The following FRMD4B variants were observed in gnomAD, a reference collection of about 807,000 sequenced individuals.
FRMD4B encodes FERM domain containing 4B.
In FRMD4B, 74 loss-of-function variants were observed where a neutral mutation model predicts 141.5. The ratio of observed to expected loss-of-function variants is 0.52; its 90% confidence interval spans 0.43 to 0.63. The LOEUF is 0.63. FRMD4B is among the 30% of genes least tolerant of loss of function. FRMD4B has a pLI of 0.00. For synonymous variants in FRMD4B, 506 were observed against 467.9 expected (o/e 1.08, Z -1.05); for missense variants, 1,366 against 1,253.4 (o/e 1.09, Z -1.36).
At chr3:69,280,367 T>C (rs1371707486) in intron 5 of FRMD4B, among the ~76,000 whole-genome samples, 1 of 152,128 alleles carries the variant, frequency 6.6e-6, no homozygotes, top group Admixed American at 6.5e-5. Flanking sequence ...AGTTCCTACC[T>C]AGGGGCAGTT....
chr3:69,264,977 C>T lies in FRMD4B; in HGVS notation c.502-14878G>A, dbSNP rs142077888. 3.9e-3 allele frequency among the ~76,000 whole-genome samples: 589 copies of T among 152,010 alleles called. 3 individuals are homozygous for T. The highest frequency in any genetic ancestry group is 0.014 in the African/African-American group (568 of 41,478). ...TAATACAAATATACAGATATGAGGT[C>T]GGGCGCGGTGGCTCACGCCTGTAAT... On this transcript the variant is annotated intron_variant, in intron 5 of 22. Coordinates refer to ENST00000398540, the MANE Select transcript of FRMD4B (RefSeq NM_015123.3).
intron 1 of FRMD4B, among the ~76,000 whole-genome samples, chr3:69,368,464 C>T (rs1411707910): frequency 1.3e-5 from 2 of 152,210 alleles, no homozygotes; most frequent in Admixed American, 6.5e-5. Context: ...GTTTCCCAGG[C>T]CACATCCTCT....
chr3:69,461,065 T>C (rs1705699708), intron 1 of FRMD4B, among the ~76,000 whole-genome samples: 1 of 152,244 alleles, frequency 6.6e-6, no homozygotes. Flanking sequence ...AATTTGCTAC[T>C]CTACCAGGAA....
chr3:69,326,442 G>A (rs1458477302), intron 1 of FRMD4B, among the ~76,000 whole-genome samples: 2 of 152,218 alleles, frequency 1.3e-5, no homozygotes, highest in East Asian at 3.8e-4. Context: ...ATCTGGGGAA[G>A]GAAGGTGGTA....
intron 2 of FRMD4B, among the ~76,000 whole-genome samples, chr3:69,393,865 A>G (rs1363380299): frequency 6.6e-6 from 1 of 152,206 alleles, no homozygotes; most frequent in Non-Finnish European, 1.5e-5. Context: ...CATTTCATGG[A>G]TAAAGAAACT....
chr3:69,293,814 G>A (rs904768103), intron 4 of FRMD4B, among the ~76,000 whole-genome samples: 1 of 144,946 alleles, frequency 6.9e-6, no homozygotes. Context: ...CTGGGAGGAG[G>A]AGGTTGCAGT....
At chr3:69,203,269 C>T (rs1411145404) in intron 11 of FRMD4B, among the ~76,000 whole-genome samples, 1 of 148,374 alleles carries the variant, frequency 6.7e-6, no homozygotes, top group Non-Finnish European at 1.5e-5. Flanking sequence ...CCCTGTCCCA[C>T]CCCACTATTA....
At chr3:69,536,634 G>A in intron 1 of FRMD4B, 1 of 1,011,892 alleles carries the variant, frequency 9.9e-7, no homozygotes, top group Admixed American at 1.9e-5. Flanking sequence ...AGACCTGGAT[G>A]ATCCTGCTGT....
chr3:69,245,181 A>G (rs1203619881), intron 7 of FRMD4B, among the ~76,000 whole-genome samples: 1 of 152,106 alleles, frequency 6.6e-6, no homozygotes, highest in African/African-American at 2.4e-5. Context: ...AGGCTTGGAG[A>G]TTTTAAGTAA....
chr3:69,357,515 A>G (rs371798765), intron 1 of FRMD4B, among the ~76,000 whole-genome samples: 1 of 152,212 alleles, frequency 6.6e-6, no homozygotes, highest in South Asian at 2.1e-4. Context: ...GAGCTTGTAC[A>G]TATGTATTGG....
At chr3:69,343,914 T>A (rs6763080) in intron 1 of FRMD4B, among the ~76,000 whole-genome samples, 30,208 of 151,936 alleles carry the variant, frequency 0.2, 3,582 homozygotes, top group African/African-American at 0.33. Context: ...CAAGAGTGAG[T>A]TGCAAATGAA....
chr3:69,182,820 G>T, intron 19 of FRMD4B, 103 bp from the exon 20 acceptor site: 1 of 1,049,038 alleles, frequency 9.5e-7, no homozygotes, highest in South Asian at 1.4e-5. Context: ...CCAAGGAAAG[G>T]GAAAATAGGG....
intron 1 of FRMD4B, among the ~76,000 whole-genome samples, chr3:69,345,935 C>T (rs185622683): frequency 1.8e-3 from 281 of 152,222 alleles, no homozygotes; most frequent in Non-Finnish European, 2.3e-3. Flanking sequence ...CTCCCCACCT[C>T]CAAAGGAACG....
chr3:69,412,071 T>C (rs888419434), intron 2 of FRMD4B, among the ~76,000 whole-genome samples: 1 of 152,224 alleles, frequency 6.6e-6, no homozygotes, highest in Admixed American at 6.5e-5. Context: ...TTTTCATCTA[T>C]AAATTTATTA....
chr3:69,481,161 C>A (rs1187950487), intron 1 of FRMD4B, among the ~76,000 whole-genome samples: 1 of 152,194 alleles, frequency 6.6e-6, no homozygotes, highest in Non-Finnish European at 1.5e-5. Flanking sequence ...CCTTGCACTT[C>A]CCGAGTGAGG....
intron 11 of FRMD4B, among the ~76,000 whole-genome samples, chr3:69,212,592 A>C (rs2093097499): frequency 1.3e-5 from 2 of 152,140 alleles, no homozygotes; most frequent in African/African-American, 4.8e-5. Flanking sequence ...AATTTCTATG[A>C]AACTGTGAAC....
At chr3:69,218,603 G>T (rs1421494099) in intron 9 of FRMD4B, among the ~76,000 whole-genome samples, 1 of 152,132 alleles carries the variant, frequency 6.6e-6, no homozygotes, top group Non-Finnish European at 1.5e-5. Flanking sequence ...TAAAGCTATA[G>T]AAAATGTTAC....
intron 5 of FRMD4B, among the ~76,000 whole-genome samples, chr3:69,251,720 C>G (rs1018563562): frequency 6.6e-6 from 1 of 152,204 alleles, no homozygotes; most frequent in Non-Finnish European, 1.5e-5. Context: ...ATTACAAAAT[C>G]AAAGGGAAGC....
chr3:69,365,914 T>C (rs1316705768), intron 1 of FRMD4B, among the ~76,000 whole-genome samples: 2 of 152,076 alleles, frequency 1.3e-5, no homozygotes, highest in African/African-American at 4.8e-5. Flanking sequence ...ACTGTAGCAT[T>C]GTCTTAGTAA....
Sources: gnomAD v4.1 joint callset for allele counts (sites outside exome capture counted in the v4.1 genomes callset) on GRCh38, gnomAD v4.1.1 for gene constraint, MANE v1.5 for transcripts, NCBI Gene and HGNC (gene_info 2026-07-23, HGNC 2026-07-21) for gene names.